The following CERKL variants were observed in gnomAD, a reference collection of about 807,000 sequenced individuals.
CERKL encodes ceramide kinase-like protein.
Under a neutral mutation model 63.4 loss-of-function variants are expected in CERKL, and 61 were observed. The ratio of observed to expected loss-of-function variants is 0.96; its 90% CI spans 0.78 to 1.19. The LOEUF is 1.19. CERKL is among the 50% of genes most tolerant of loss of function. The pLI is 0.00. For synonymous variants in CERKL, 250 were observed against 230.5 expected (o/e 1.08, Z -0.77); for missense variants, 675 against 655.5 (o/e 1.03, Z -0.33).
chr2:181,565,005 T>C (rs781311152), intron 4 of CERKL, among the ~76,000 whole-genome samples: 1 of 152,166 alleles, frequency 6.6e-6, no homozygotes, highest in Non-Finnish European at 1.5e-5. Flanking sequence ...TTAGATTCCT[T>C]TTGGAAAAAT....
chr2:181,554,568 C>T (rs1159596850), intron 5 of CERKL, among the ~76,000 whole-genome samples: 1 of 152,096 alleles, frequency 6.6e-6, no homozygotes, highest in Non-Finnish European at 1.5e-5. Context: ...TCCCCCTCCC[C>T]CTTTTAATCA....
intron 2 of CERKL, among the ~76,000 whole-genome samples, chr2:181,585,723 A>G (rs1374952010): frequency 6.6e-6 from 1 of 152,076 alleles, no homozygotes; most frequent in Non-Finnish European, 1.5e-5. Context: ...AATCTTTTCT[A>G]AATTAAAACT....
chr2:181,536,794 G>T lies in CERKL; in HGVS notation c.*1390C>A. The T allele has an allele frequency of 7.8e-6, 2 of 256,146 alleles. No individual in the cohort carries two copies. Among genetic ancestry groups the T allele is most frequent in the Non-Finnish European group, 1.6e-5 (2 of 127,592 alleles). The allele number at this position is 256,146 out of a possible 1,614,324, so 15.9% of individuals were successfully genotyped here. A position where few individuals can be genotyped will look rare whatever the true frequency, so the allele number is the denominator to read the frequency against. On this transcript the variant is annotated 3_prime_UTR_variant, in exon 13 of 13. Transcript: ENST00000410087. ...ATCATTTTTGTAATATTTATTTTAT[G>T]CTTATGATCTAGATAATTGCAGAAT...
chr2:181,574,943 C>A (rs912359033), intron 2 of CERKL, among the ~76,000 whole-genome samples: 1 of 152,132 alleles, frequency 6.6e-6, no homozygotes, highest in Non-Finnish European at 1.5e-5. Context: ...TCATGATAAA[C>A]TCCTTAAACA....
intron 2 of CERKL, among the ~76,000 whole-genome samples, chr2:181,579,945 C>T (rs2105857547): frequency 6.6e-6 from 1 of 152,006 alleles, no homozygotes; most frequent in African/African-American, 2.4e-5. Flanking sequence ...CTGATCTATT[C>T]ATATGTCAGT....
rs1267362169 is a variant in CERKL at position 181,609,533 on chromosome 2, T to TGAAAAAAA, written c.239-5455_239-5454insTTTTTTTC. Among the ~76,000 whole-genome samples the TGAAAAAAA allele has an allele frequency of 3.6e-4, 25 of 70,226 alleles. 1 individual carries two copies. The highest frequency in any genetic ancestry group is 1.0e-3 in the African/African-American group (22 of 21,102). 46.1% of individuals were successfully genotyped at this position (70,226 alleles called of 152,430 possible). A position where few individuals can be genotyped will look rare whatever the true frequency, so the allele number is the denominator to read the frequency against. On this transcript the variant is annotated intron_variant, in intron 1 of 12. Transcript: ENST00000410087. ...CACCATGGTGAAACCCTGTCTCTAC[T>TGAAAAAAA]AAAAAAAAAAAAAAAAAAAAAAATT...
intron 1 of CERKL, among the ~76,000 whole-genome samples, chr2:181,628,957 C>T (rs1337369185): frequency 6.6e-6 from 1 of 152,126 alleles, no homozygotes; most frequent in East Asian, 1.9e-4. Flanking sequence ...GCTTCTATGT[C>T]TACTTTAGAG....
At chr2:181,572,780 C>CTTTTTTTTTTTTT (rs5836800) in intron 3 of CERKL, among the ~76,000 whole-genome samples, 1 of 131,196 alleles carries the variant, frequency 7.6e-6, no homozygotes. Context: ...ACAAAACTTG[C>CTTTTTTTTTTTTT]TTTTTTTTTT....
At chr2:181,626,968 G>T (rs1686733840) in intron 1 of CERKL, among the ~76,000 whole-genome samples, 1 of 152,228 alleles carries the variant, frequency 6.6e-6, no homozygotes, top group African/African-American at 2.4e-5. Flanking sequence ...TTTCCTTTCT[G>T]AAGAATTATT....
At chr2:181,556,355 T>G (rs891324257) in intron 5 of CERKL, among the ~76,000 whole-genome samples, 1 of 152,064 alleles carries the variant, frequency 6.6e-6, no homozygotes, top group Non-Finnish European at 1.5e-5. Context: ...AACTCGTCAT[T>G]TACATTAGGT....
chr2:181,645,062 G>C (rs1216004955), intron 1 of CERKL, among the ~76,000 whole-genome samples: 6 of 152,126 alleles, frequency 3.9e-5, no homozygotes, highest in African/African-American at 1.4e-4. Context: ...TCACATTCCT[G>C]CTAGGCAAAG....
chr2:181,594,443 C>G (rs548570992), intron 2 of CERKL, among the ~76,000 whole-genome samples: 3 of 152,232 alleles, frequency 2.0e-5, no homozygotes, highest in African/African-American at 7.2e-5. Context: ...TTTCACTAGG[C>G]AAACAAGAGA....
In CERKL at chr2:181,539,245, T is replaced by TCAA; in HGVS notation, c.1382_1384dup (p.Val461dup). On this transcript the variant is annotated inframe_insertion, in exon 12 of 13. Transcript: ENST00000410087. ...TTTTACTTCCTCAACAGTGTAAGTC[T>TCAA]CAACAAATGGAAAATTGAACTAAAA... 1 of 1,593,036 alleles carries TCAA rather than the reference T, an allele frequency of 6.3e-7. No homozygotes were observed. The highest frequency in any genetic ancestry group is 8.6e-7 in the Non-Finnish European group (1 of 1,161,146).
In CERKL at chr2:181,604,082, G is replaced by GA. The variant is rs201864646; in HGVS notation, c.239-4dup. The GA allele has an allele frequency of 4.5e-3, 6,876 of 1,532,996 alleles. 160 individuals carry two copies. In the African/African-American group the frequency reaches 0.067, roughly 15 times the overall value. 95.0% of individuals were successfully genotyped at this position (1,532,996 alleles called of 1,614,324 possible). A position where few individuals can be genotyped will look rare whatever the true frequency, so the allele number is the denominator to read the frequency against. ...TAGCAAGTCATACTTAGAATCACCT[G>GA]AAAAAAAAATAAATTTTCCAATTAA... On this transcript the variant is annotated splice_polypyrimidine_tract_variant and splice_region_variant and intron_variant, in intron 1 of 12. Coordinates refer to ENST00000410087, the MANE Select transcript of CERKL (RefSeq NM_201548.5).
chr2:181,631,736 A>T (rs1483436105), intron 1 of CERKL, among the ~76,000 whole-genome samples: 1 of 152,198 alleles, frequency 6.6e-6, no homozygotes, highest in African/African-American at 2.4e-5. Flanking sequence ...CCAAGGCCCA[A>T]ACATGACTTA....
chr2:181,580,511 G>A (rs1684457795), intron 2 of CERKL, among the ~76,000 whole-genome samples: 1 of 152,022 alleles, frequency 6.6e-6, no homozygotes, highest in Admixed American at 6.5e-5. Flanking sequence ...TTCTTCAGCA[G>A]TCTACTTACA....
intron 2 of CERKL, among the ~76,000 whole-genome samples, chr2:181,590,717 T>C (rs1397243280): frequency 6.6e-6 from 1 of 152,192 alleles, no homozygotes; most frequent in Non-Finnish European, 1.5e-5. Context: ...TATATTGATA[T>C]ACCATTGTTT....
At chr2:181,630,513 T>C (rs1216489122) in intron 1 of CERKL, among the ~76,000 whole-genome samples, 1 of 152,174 alleles carries the variant, frequency 6.6e-6, no homozygotes, top group East Asian at 1.9e-4. Context: ...AATGAGGTCA[T>C]AGCATAGGGT....
At chr2:181,540,033 C>G (rs1687425846) in intron 11 of CERKL, among the ~76,000 whole-genome samples, 1 of 144,838 alleles carries the variant, frequency 6.9e-6, no homozygotes, top group South Asian at 2.3e-4. Flanking sequence ...TAGTTTTTCC[C>G]CTTTTCCACA....
Sources: allele counts gnomAD v4.1 joint callset (sites outside exome capture counted in the v4.1 genomes callset), GRCh38; gene constraint gnomAD v4.1.1; transcripts MANE v1.5; gene names NCBI Gene and HGNC (gene_info 2026-07-23, HGNC 2026-07-21).